FUT8: variants seen among roughly 807,000 people sequenced by gnomAD.
FUT8 encodes the protein alpha-(1,6)-fucosyltransferase.
FUT8 carries 29 observed loss-of-function variants against 71.3 expected under a neutral mutation model. The observed-to-expected ratio is 0.41, with a 90% confidence interval of 0.30 to 0.55. The LOEUF (loss-of-function observed/expected upper bound fraction) is 0.55. FUT8 is among the 20% of genes least tolerant of loss of function. The pLI is 0.34. For missense variants in FUT8, 544 were observed against 702.1 expected (o/e 0.77, Z 2.55); for synonymous variants, 254 against 239.3 (o/e 1.06, Z -0.57).
At chr14:65,476,637 ATT>A (rs200882761) in intron 2 of FUT8, among the ~76,000 whole-genome samples, 1,891 of 120,538 alleles carry the variant, frequency 0.016, 5 homozygotes, top group Admixed American at 0.021. Flanking sequence ...AAAGAAGTAG[ATT>A]TTTTTTTTTT....
In FUT8 at chr14:65,669,477, T is replaced by G. The variant is rs1162570460; in HGVS notation, c.832T>G (p.Ser278Ala). 1.9e-6 allele frequency: 3 copies of G among 1,607,600 alleles called. No individual in the cohort carries two copies. The highest frequency in any genetic ancestry group is 8.5e-7 in the Non-Finnish European group (1 of 1,174,266). Residue 278 changes from serine (S) to alanine (A), a missense_variant, in exon 7 of 11, where the codon TCA becomes GCA. Coordinates refer to ENST00000673929, the MANE Select transcript of FUT8 (RefSeq NM_001371533.1). This position sits in a 1 kb window ranked among gnomAD's most constrained non-coding sequence, Gnocchi z 4.5. The stretch of plus-strand genomic sequence containing the variant: ...ATCTGGCATCTCCACTGGACACTGG[T>G]CAGGTAAGGAGCTTGTGCAGCATAT... ...DRSGISTGHW[S>A]GEVKDKNVQV... is the part of the protein sequence containing the mutation.
intron 3 of FUT8, among the ~76,000 whole-genome samples, chr14:65,585,521 G>A (rs1887334990): frequency 6.6e-6 from 1 of 152,130 alleles, no homozygotes; most frequent in Non-Finnish European, 1.5e-5. Flanking sequence ...CCAGTGTAAA[G>A]TTCTGTCTAT....
intron 2 of FUT8, among the ~76,000 whole-genome samples, chr14:65,513,079 G>A (rs749300204): frequency 6.6e-6 from 1 of 152,098 alleles, no homozygotes; most frequent in Non-Finnish European, 1.5e-5. Context: ...AAGTGTTTCA[G>A]CTTCTTTCTC....
intron 1 of FUT8, among the ~76,000 whole-genome samples, chr14:65,434,924 A>C (rs1263660029): frequency 6.6e-6 from 1 of 152,202 alleles, no homozygotes; most frequent in Non-Finnish European, 1.5e-5. Context: ...TGCATATAAT[A>C]TGTATCTACC....
chr14:65,618,863 C>T (rs1475816366), intron 5 of FUT8, among the ~76,000 whole-genome samples: 1 of 152,098 alleles, frequency 6.6e-6, no homozygotes, highest in African/African-American at 2.4e-5. Flanking sequence ...AAAGAGCCCT[C>T]CTGAGTCTTG....
intron 1 of FUT8, among the ~76,000 whole-genome samples, chr14:65,425,528 T>C (rs1466277185): frequency 2.0e-5 from 3 of 150,472 alleles, no homozygotes; most frequent in African/African-American, 7.3e-5. Context: ...TTTATTGAGG[T>C]ATAATTGGCA....
intron 3 of FUT8, among the ~76,000 whole-genome samples, chr14:65,606,680 A>G (rs1888607763): frequency 6.6e-6 from 1 of 151,860 alleles, no homozygotes; most frequent in African/African-American, 2.4e-5. Context: ...TGCCAATACT[A>G]CACTGTTTCC....
At chr14:65,520,468 A>C (rs1883004771) in intron 2 of FUT8, among the ~76,000 whole-genome samples, 1 of 152,152 alleles carries the variant, frequency 6.6e-6, no homozygotes, top group Non-Finnish European at 1.5e-5. Context: ...ATAGTACGGA[A>C]TGTTAAATTA....
intron 2 of FUT8, among the ~76,000 whole-genome samples, chr14:65,496,524 T>C (rs2066562312): frequency 6.6e-6 from 1 of 152,042 alleles, no homozygotes; most frequent in Non-Finnish European, 1.5e-5. Context: ...GCTGTTCTCA[T>C]GTTAGTGAGT....
chr14:65,666,495 C>T (rs1594877503), intron 6 of FUT8, among the ~76,000 whole-genome samples: 1 of 152,076 alleles, frequency 6.6e-6, no homozygotes, highest in Non-Finnish European at 1.5e-5. Context: ...GAAATTCATA[C>T]CCTGAACAGA....
intron 2 of FUT8, among the ~76,000 whole-genome samples, chr14:65,468,713 T>C (rs1382347949): frequency 6.6e-6 from 1 of 152,176 alleles, no homozygotes; most frequent in African/African-American, 2.4e-5. Context: ...TGTTTCTTAC[T>C]AAAGACATTC....
chr14:65,396,562 C>T, the FUT8 span, among the ~76,000 whole-genome samples: 8 of 152,204 alleles, frequency 5.3e-5, no homozygotes, highest in South Asian at 1.7e-3. This position sits in a 1 kb window ranked among gnomAD's most constrained non-coding sequence, Gnocchi z 5.5. Flanking sequence ...CTTCATGATT[C>T]AATTATCTCA....
chr14:65,499,271 T>C (rs952814880), intron 2 of FUT8, among the ~76,000 whole-genome samples: 2 of 152,126 alleles, frequency 1.3e-5, no homozygotes, highest in African/African-American at 2.4e-5. Context: ...TTTACCCTTA[T>C]AGCATTTTCA....
At chr14:65,502,423 C>T (rs985501902) in intron 2 of FUT8, among the ~76,000 whole-genome samples, 4 of 151,968 alleles carry the variant, frequency 2.6e-5, no homozygotes, top group Admixed American at 6.6e-5. Context: ...CAGGGTTTCA[C>T]CATGTTGCCC....
intron 1 of FUT8, among the ~76,000 whole-genome samples, chr14:65,426,046 A>C (rs887757299): frequency 5.9e-5 from 9 of 151,982 alleles, no homozygotes. Flanking sequence ...TGTGGTCACC[A>C]TGCTGTACGT....
intron 3 of FUT8, among the ~76,000 whole-genome samples, chr14:65,568,298 C>T (rs898041295): frequency 1.3e-5 from 2 of 151,408 alleles, no homozygotes; most frequent in Non-Finnish European, 3.0e-5. Flanking sequence ...TGTGTTTTCT[C>T]CTTTTATCTT....
intron 7 of FUT8, among the ~76,000 whole-genome samples, chr14:65,692,641 C>T (rs1274162411): frequency 1.3e-5 from 2 of 151,136 alleles, no homozygotes; most frequent in African/African-American, 4.9e-5. Context: ...GGGGTGGCTG[C>T]CGGGCGGAGA....
chr14:65,375,785 G>A, the FUT8 span, among the ~76,000 whole-genome samples: 22 of 150,634 alleles, frequency 1.5e-4, no homozygotes, highest in Non-Finnish European at 3.0e-4. Flanking sequence ...TTTGAATTCA[G>A]AATCTAAAAG....
chr14:65,366,532 C>G, the FUT8 span, among the ~76,000 whole-genome samples: 1 of 152,180 alleles, frequency 6.6e-6, no homozygotes, highest in Non-Finnish European at 1.5e-5. Flanking sequence ...ATGTACCCAA[C>G]AGCCCACCAG....
Sources: allele counts gnomAD v4.1 joint callset (sites outside exome capture counted in the v4.1 genomes callset), GRCh38; gene constraint gnomAD v4.1.1; non-coding constraint Gnocchi (gnomAD v3.1); transcripts MANE v1.5; gene names NCBI Gene and HGNC (gene_info 2026-07-23, HGNC 2026-07-21).